Variants in B3GALT1 observed in about 807,000 individuals in gnomAD.
B3GALT1 encodes beta-1,3-galactosyltransferase 1.
A neutral mutation model predicts 23.2 loss-of-function variants in B3GALT1; 10 were observed. The ratio of observed to expected loss-of-function variants is 0.43; its 90% confidence interval spans 0.27 to 0.73. The LOEUF is 0.73. Among genes scored for constraint, B3GALT1 ranks in the 30% least tolerant of loss-of-function variants. The pLI, the probability that B3GALT1 is intolerant of heterozygous loss-of-function variation, is 0.21. For missense variants in B3GALT1, 299 were observed against 405.4 expected (o/e 0.74, Z 2.25); for synonymous variants, 156 against 141.5 (o/e 1.10, Z -0.73).
At chr2:167,461,005 A>G (rs909818390) in intron 1 of B3GALT1, among the ~76,000 whole-genome samples, 1 of 152,196 alleles carries the variant, frequency 6.6e-6, no homozygotes, top group Non-Finnish European at 1.5e-5. Flanking sequence ...GAGGAAGGTC[A>G]GTGGTCGTTT....
chr2:167,799,501 A>G (rs1688601693), intron 3 of B3GALT1, among the ~76,000 whole-genome samples: 1 of 152,212 alleles, frequency 6.6e-6, no homozygotes, highest in South Asian at 2.1e-4. Context: ...TTGATGAAAT[A>G]TACCAAAATC....
At chr2:167,724,865 A>C (rs1339596312) in intron 3 of B3GALT1, among the ~76,000 whole-genome samples, 2 of 152,174 alleles carry the variant, frequency 1.3e-5, no homozygotes, top group Admixed American at 1.3e-4. Flanking sequence ...GACCTCCTCA[A>C]ATAGTATCAG....
At chr2:167,564,529 C>A (rs561515657) in intron 2 of B3GALT1, among the ~76,000 whole-genome samples, 3 of 152,246 alleles carry the variant, frequency 2.0e-5, no homozygotes, top group East Asian at 3.9e-4. Flanking sequence ...AGGTGGAGGC[C>A]GCAGCGAGCC....
intron 2 of B3GALT1, among the ~76,000 whole-genome samples, chr2:167,490,571 G>C (rs761894030): frequency 1.3e-5 from 2 of 152,214 alleles, no homozygotes; most frequent in Non-Finnish European, 2.9e-5. Context: ...GTTTTGTCAG[G>C]CTTCTTGCCA....
At chr2:167,693,725 A>G (rs1686749790) in intron 3 of B3GALT1, among the ~76,000 whole-genome samples, 1 of 152,116 alleles carries the variant, frequency 6.6e-6, no homozygotes, top group Non-Finnish European at 1.5e-5. Flanking sequence ...TGCATTTGGT[A>G]CTATAGATTA....
At chr2:167,761,562 A>G (rs1444126765) in intron 3 of B3GALT1, among the ~76,000 whole-genome samples, 1 of 152,166 alleles carries the variant, frequency 6.6e-6, no homozygotes, top group East Asian at 1.9e-4. Flanking sequence ...AAGGGGAAGC[A>G]TGGGAAGAGG....
At chr2:167,332,503 T>C (rs1359167939) in intron 1 of B3GALT1, among the ~76,000 whole-genome samples, 5 of 152,232 alleles carry the variant, frequency 3.3e-5, no homozygotes, top group African/African-American at 1.2e-4. Flanking sequence ...AGGAAAATGA[T>C]ACAATATAGC....
At chr2:167,701,057 A>G (rs1263748176) in intron 3 of B3GALT1, among the ~76,000 whole-genome samples, 1 of 152,196 alleles carries the variant, frequency 6.6e-6, no homozygotes, top group Non-Finnish European at 1.5e-5. Context: ...CGTCAACCTT[A>G]TAAGAAAAGC....
At chr2:167,444,417 G>T (rs1020891071) in intron 1 of B3GALT1, among the ~76,000 whole-genome samples, 20 of 152,026 alleles carry the variant, frequency 1.3e-4, no homozygotes, top group African/African-American at 4.8e-4. Flanking sequence ...TTTTTCTATC[G>T]ATTAGAATAG....
At chr2:167,837,940 C>A (rs532488656) in intron 4 of B3GALT1, among the ~76,000 whole-genome samples, 4 of 151,972 alleles carry the variant, frequency 2.6e-5, no homozygotes, top group African/African-American at 9.7e-5. Context: ...GGGTACATAA[C>A]AAATGAAGGC....
intron 2 of B3GALT1, among the ~76,000 whole-genome samples, chr2:167,534,933 G>A (rs1352727361): frequency 1.3e-5 from 2 of 152,156 alleles, no homozygotes; most frequent in Non-Finnish European, 2.9e-5. Flanking sequence ...CTGAGGTTAA[G>A]ATTTTGTTAT....
intron 3 of B3GALT1, among the ~76,000 whole-genome samples, chr2:167,741,718 A>T (rs1687579484): frequency 6.6e-6 from 1 of 152,106 alleles, no homozygotes; most frequent in African/African-American, 2.4e-5. Context: ...AACATCTTTG[A>T]CCTTGAAGTT....
intron 1 of B3GALT1, among the ~76,000 whole-genome samples, chr2:167,318,255 A>G (rs1431130865): frequency 6.6e-6 from 1 of 151,210 alleles, no homozygotes; most frequent in Non-Finnish European, 1.5e-5. Flanking sequence ...AACCTAGGAG[A>G]TGGAGGTTGC....
intron 3 of B3GALT1, among the ~76,000 whole-genome samples, chr2:167,673,347 A>G (rs1351054427): frequency 6.6e-6 from 1 of 152,130 alleles, no homozygotes; most frequent in Non-Finnish European, 1.5e-5. Flanking sequence ...AAAATGCATT[A>G]TTTTTAATGA....
chr2:167,428,799 C>T (rs994577064), intron 1 of B3GALT1, among the ~76,000 whole-genome samples: 1 of 152,054 alleles, frequency 6.6e-6, no homozygotes, highest in East Asian at 1.9e-4. Flanking sequence ...GAGTATTTCA[C>T]ACACAATACA....
chr2:167,421,503 C>A (rs1698546534), intron 1 of B3GALT1, among the ~76,000 whole-genome samples: 2 of 152,130 alleles, frequency 1.3e-5, no homozygotes, highest in South Asian at 4.1e-4. Flanking sequence ...GTAGAGTTGT[C>A]CTCAAATCCT....
At chr2:167,480,909 C>T (rs966070622) in intron 1 of B3GALT1, among the ~76,000 whole-genome samples, 3 of 152,194 alleles carry the variant, frequency 2.0e-5, no homozygotes, top group African/African-American at 7.2e-5. Context: ...CCTATCTCTC[C>T]TCTTCAGTGC....
At chr2:167,435,829 A>C (rs1698774919) in intron 1 of B3GALT1, among the ~76,000 whole-genome samples, 1 of 152,046 alleles carries the variant, frequency 6.6e-6, no homozygotes, top group Admixed American at 6.6e-5. Context: ...TAAGTGATTC[A>C]GTTTTATAAA....
At chr2:167,547,158 T>C (rs1269729980) in intron 2 of B3GALT1, among the ~76,000 whole-genome samples, 1 of 152,210 alleles carries the variant, frequency 6.6e-6, no homozygotes, top group Non-Finnish European at 1.5e-5. Context: ...GCTGTACTGC[T>C]GCTGTTGCTG....
Sources: gnomAD v4.1 joint callset for allele counts (sites outside exome capture counted in the v4.1 genomes callset) on GRCh38, gnomAD v4.1.1 for gene constraint, MANE v1.5 for transcripts, NCBI Gene and HGNC (gene_info 2026-07-23, HGNC 2026-07-21) for gene names.